Variants in NINJ2 observed in about 807,000 individuals in gnomAD.
NINJ2 encodes ninjurin 2, also known as ninjurin-2.
Under a neutral mutation model 11.7 loss-of-function variants are expected in NINJ2, and 12 were observed. The ratio of observed to expected loss-of-function variants is 1.02; its 90% CI spans 0.66 to 1.66. The LOEUF is 1.66. NINJ2 is among the 40% of genes most tolerant of loss of function. NINJ2 has a pLI of 0.00. For synonymous variants in NINJ2, 93 were observed against 76.8 expected (o/e 1.21, Z -1.10); for missense variants, 187 against 181.8 (o/e 1.03, Z -0.16).
At chr12:604,473 A>G (rs1947912110) in intron 1 of NINJ2, among the ~76,000 whole-genome samples, 1 of 152,164 alleles carries the variant, frequency 6.6e-6, no homozygotes, top group African/African-American at 2.4e-5. Flanking sequence ...CCCCGTCTCT[A>G]CTAAAAATAC....
chr12:652,800 T>C (rs1465550132), intron 1 of NINJ2, among the ~76,000 whole-genome samples: 2 of 150,750 alleles, frequency 1.3e-5, no homozygotes, highest in Non-Finnish European at 3.0e-5. Context: ...ATACAAAAAT[T>C]AGCTGGGCGT....
Position 619,653 on chromosome 12 carries a change from A to G in NINJ2, c.33+43675T>C, listed in dbSNP as rs371565313. 2.5e-4 allele frequency among the ~76,000 whole-genome samples: 38 copies of G among 152,244 alleles called. No homozygotes were observed. The East Asian group carries it at 4.6e-3, about 19-fold the overall frequency. Reference sequence around the variant, plus strand: ...TGCTGCAGATAGTCTCCCGGAAGAGAGGGGCTTACACATTCTTGGTAAGCT... The same window carrying G: ...TGCTGCAGATAGTCTCCCGGAAGAGGGGGGCTTACACATTCTTGGTAAGCT... On this transcript the variant is annotated intron_variant, in intron 1 of 3. Transcript: ENST00000305108.
chr12:618,690 G>T (rs1026443462), intron 1 of NINJ2, among the ~76,000 whole-genome samples: 2 of 152,344 alleles, frequency 1.3e-5, no homozygotes, highest in East Asian at 3.9e-4. Context: ...TTTGGATCAG[G>T]AGCCGAATTG....
chr12:573,087 G>C (rs183927497), intron 1 of NINJ2, among the ~76,000 whole-genome samples: 2 of 132,262 alleles, frequency 1.5e-5, no homozygotes, highest in East Asian at 4.7e-4. Flanking sequence ...GTGCAGTGGC[G>C]CAATCTCAGC....
chr12:597,860 G>A (rs924885407), intron 1 of NINJ2, among the ~76,000 whole-genome samples: 2 of 152,262 alleles, frequency 1.3e-5, no homozygotes, highest in African/African-American at 4.8e-5. Flanking sequence ...TGTTGCTTTT[G>A]GGGAATGCTG....
chr12:588,189 AGGGACGGAG>A (rs146788860), intron 1 of NINJ2, among the ~76,000 whole-genome samples: 40,388 of 134,792 alleles, frequency 0.3, 5,947 homozygotes, highest in African/African-American at 0.39. Flanking sequence ...AAGGGACGGA[AGGGACGGAG>A]GGGACGGAAG....
rs117619698 is a variant in NINJ2, at chr12:588,645, A to G, written c.34-22467T>C. Among the ~76,000 whole-genome samples, 678 of 152,252 alleles carry G rather than the reference A, an allele frequency of 4.5e-3. 35 individuals are homozygous for G. In the East Asian group the frequency reaches 0.11, roughly 24 times the overall value. ...AGTGTGTGCTCCAGCCATTTCCTCGACCACCACACACCACACAAAATCAGG... is the reference window on the plus strand; with the variant it reads ...AGTGTGTGCTCCAGCCATTTCCTCGGCCACCACACACCACACAAAATCAGG... On this transcript the variant is annotated intron_variant, in intron 1 of 3. Coordinates refer to ENST00000305108, the MANE Select transcript of NINJ2 (RefSeq NM_016533.6).
rs531879484 is a variant in NINJ2 at position 601,612 on chromosome 12, C to G, written c.34-35434G>C. Among the ~76,000 whole-genome samples the G allele has an allele frequency of 1.8e-4, 27 of 151,856 alleles. No individual in the cohort carries two copies. In the South Asian group the frequency reaches 5.6e-3, roughly 32 times the overall value. The stretch of plus-strand genomic sequence containing the variant: ...GGTGCGGTGGCTCACGCCTGTAATC[C>G]CAGCACTTTGGGAGGCCAAGGCAGG... On this transcript the variant is annotated intron_variant, in intron 1 of 3. Coordinates refer to ENST00000305108, the MANE Select transcript of NINJ2 (RefSeq NM_016533.6).
At chr12:601,440 G>C (rs896920160) in intron 1 of NINJ2, among the ~76,000 whole-genome samples, 39 of 151,690 alleles carry the variant, frequency 2.6e-4, no homozygotes, top group African/African-American at 7.5e-4. Context: ...CCCAGCTACA[G>C]GGGAGGCTGA....
At chr12:601,967 AC>A (rs1483228260) in intron 1 of NINJ2, among the ~76,000 whole-genome samples, 1 of 152,238 alleles carries the variant, frequency 6.6e-6, no homozygotes, top group Non-Finnish European at 1.5e-5. Flanking sequence ...CTTGATACAC[AC>A]CATTTTAAGG....
rs11549256 is a variant in NINJ2, at chr12:565,259, G to A, written c.405C>T (p.Ala135=). 17 of 1,614,002 alleles carry A rather than the reference G, an allele frequency of 1.1e-5. No homozygotes were observed. Among genetic ancestry groups the A allele is most frequent in the Non-Finnish European group, 1.3e-5 (15 of 1,179,920 alleles). Residue 135 remains alanine (A), a synonymous_variant, in exon 3 of 4, where the codon GCC becomes GCT. Coordinates refer to ENST00000305108, the MANE Select transcript of NINJ2 (RefSeq NM_016533.6). The part of the protein sequence containing the change: ...FGAHKTGFLA[A]RASRNPL Reference sequence around the variant, plus strand: ...TTCAGAGAGGATTCCTTGAGGCCCTGGCAGCCAGGAACCCTGTTTTATGTG... The same window carrying A: ...TTCAGAGAGGATTCCTTGAGGCCCTAGCAGCCAGGAACCCTGTTTTATGTG...
chr12:591,171 T>G lies in NINJ2; in HGVS notation c.34-24993A>C, dbSNP rs1265908048. 1.3e-5 allele frequency: 2 copies of G among 152,324 alleles called. No individual in the cohort carries two copies. Among genetic ancestry groups the G allele is most frequent in the African/African-American group, 4.8e-5 (2 of 41,462 alleles). 9.4% of individuals were successfully genotyped at this position (152,324 alleles called of 1,614,324 possible). On this transcript the variant is annotated intron_variant, in intron 1 of 3. Coordinates refer to ENST00000305108, the MANE Select transcript of NINJ2 (RefSeq NM_016533.6). The surrounding 1 kb of genome is among the most constrained non-coding windows in gnomAD (Gnocchi z 5.0). ...GACAGTCCCTAGGTTCTCTGGCTCCTGTTTCTGGATTCAGTGCTGTGAGGG... is the reference window on the plus strand; with the variant it reads ...GACAGTCCCTAGGTTCTCTGGCTCCGGTTTCTGGATTCAGTGCTGTGAGGG...
intron 1 of NINJ2, among the ~76,000 whole-genome samples, chr12:599,878 G>T (rs574678847): frequency 6.6e-6 from 1 of 152,104 alleles, no homozygotes; most frequent in Non-Finnish European, 1.5e-5. Flanking sequence ...CCCATTGCCC[G>T]TCTCGGGCAC....
At chr12:601,411 G>A (rs1023478533) in intron 1 of NINJ2, among the ~76,000 whole-genome samples, 7 of 151,118 alleles carry the variant, frequency 4.6e-5, no homozygotes, top group East Asian at 1.9e-4. Context: ...AGCCAGGCGT[G>A]GTGGCGGGCG....
At chr12:579,097 A>C (rs961605887) in intron 1 of NINJ2, among the ~76,000 whole-genome samples, 11 of 152,238 alleles carry the variant, frequency 7.2e-5, no homozygotes. Flanking sequence ...TGAGTTTTGT[A>C]TGTCCCCACT....
intron 1 of NINJ2, among the ~76,000 whole-genome samples, chr12:623,009 AC>A: frequency 6.6e-6 from 1 of 152,164 alleles, no homozygotes; most frequent in East Asian, 1.9e-4. Context: ...TTGTAATGAG[AC>A]CTCTAAATGT....
chr12:622,738 C>A (rs986751925), intron 1 of NINJ2, among the ~76,000 whole-genome samples: 2 of 152,000 alleles, frequency 1.3e-5, no homozygotes, highest in African/African-American at 4.8e-5. Flanking sequence ...AGGTGATGGA[C>A]CCCCTACCTC....
chr12:565,084 C>T, intron 3 of NINJ2, 133 bp downstream of exon 3: 2 of 698,172 alleles, frequency 2.9e-6, no homozygotes, highest in Admixed American at 5.9e-5. Flanking sequence ...TGCAGATCCT[C>T]TCCTTGCTCT....
At chr12:608,992 G>A (rs1341648609) in intron 1 of NINJ2, among the ~76,000 whole-genome samples, 1 of 152,188 alleles carries the variant, frequency 6.6e-6, no homozygotes, top group Non-Finnish European at 1.5e-5. Context: ...GCTCACAGAA[G>A]AATTCATGCA....
Sources: gnomAD v4.1 joint callset for allele counts (sites outside exome capture counted in the v4.1 genomes callset) on GRCh38, gnomAD v4.1.1 for gene constraint, Gnocchi (gnomAD v3.1) non-coding constraint, MANE v1.5 for transcripts, NCBI Gene and HGNC (gene_info 2026-07-23, HGNC 2026-07-21) for gene names.